Variants in CPAMD8 observed in about 807,000 individuals in gnomAD.
CPAMD8 encodes C3 and PZP like alpha-2-macroglobulin domain containing 8, also known as C3 and PZP-like alpha-2-macroglobulin domain-containing protein 8.
Under a neutral mutation model 224.7 loss-of-function variants are expected in CPAMD8, and 146 were observed. The ratio of observed to expected loss-of-function variants is 0.65; its 90% confidence interval spans 0.57 to 0.75. The LOEUF (loss-of-function observed/expected upper bound fraction) is 0.75. Ranked by LOEUF, CPAMD8 falls within the 30% of genes least tolerant of loss-of-function variation. The pLI is 0.00. For missense variants in CPAMD8, 2,301 were observed against 2,537.5 expected (o/e 0.91, Z 2.00); for synonymous variants, 966 against 1,044.6 (o/e 0.92, Z 1.45).
At chr19:16,958,762 C>T (rs2054554457) in intron 18 of CPAMD8, among the ~76,000 whole-genome samples, 1 of 152,022 alleles carries the variant, frequency 6.6e-6, no homozygotes, top group Non-Finnish European at 1.5e-5. Flanking sequence ...CCCCTTTTCT[C>T]CACTACCTCA....
chr19:17,020,485 A>G, intron 2 of CPAMD8, 132 bp from the exon 3 acceptor site: 1 of 691,110 alleles, frequency 1.4e-6, no homozygotes, highest in South Asian at 1.6e-5. Flanking sequence ...ACCCTGGGTC[A>G]TGCTGGCCTG....
At chr19:17,000,558 G>A in intron 9 of CPAMD8, 36 bp from the exon 10 acceptor site, 1 of 939,476 alleles carries the variant, frequency 1.1e-6, no homozygotes, top group Non-Finnish European at 1.8e-6. Context: ...CAATTTCACA[G>A]CCAAGATGGC....
At chr19:16,951,728 G>A (rs1361355202) in intron 20 of CPAMD8, among the ~76,000 whole-genome samples, 1 of 152,062 alleles carries the variant, frequency 6.6e-6, no homozygotes, top group South Asian at 2.1e-4. Flanking sequence ...GGCTTTGACG[G>A]TTGGTGAATC....
chr19:16,991,853 T>TA lies in CPAMD8; in HGVS notation c.1266+1562_1266+1563insT, dbSNP rs760523084. Among the ~76,000 whole-genome samples, 19 of 104,822 alleles carry TA rather than the reference T, an allele frequency of 1.8e-4. No individual in the cohort carries two copies. In the East Asian group the frequency reaches 5.0e-3, roughly 28 times the overall value. The allele number at this position is 104,822 out of a possible 152,430, so 68.8% of individuals were successfully genotyped here. On this transcript the variant is annotated intron_variant, in intron 12 of 41. Coordinates refer to ENST00000443236, the MANE Select transcript of CPAMD8 (RefSeq NM_015692.5). ...TTGGGCGACAGAGCAAGACTCTGTA[T>TA]CAAAAAAAAAAAACAACAGAACAGT... is the stretch of plus-strand genomic sequence containing the variant.
At chr19:16,942,282 T>C (rs2053923765) in intron 22 of CPAMD8, among the ~76,000 whole-genome samples, 2 of 152,030 alleles carry the variant, frequency 1.3e-5, no homozygotes, top group Admixed American at 6.6e-5. Flanking sequence ...GCCAACATGG[T>C]GAAACCCCGT....
intron 38 of CPAMD8, 39 bp from the exon 39 acceptor site, chr19:16,897,840 G>T: frequency 6.3e-7 from 1 of 1,575,456 alleles, no homozygotes; most frequent in Non-Finnish European, 8.6e-7. Flanking sequence ...GTGCAGGCGC[G>T]ACGGGTCAGG....
intron 11 of CPAMD8, 127 bp downstream of exon 11, chr19:16,996,984 C>T: frequency 1.5e-6 from 1 of 668,788 alleles, no homozygotes. Flanking sequence ...CAGCCCTCTC[C>T]ACTCTCCGCA....
At chr19:17,004,761 G>A (rs2056437911) in intron 7 of CPAMD8, among the ~76,000 whole-genome samples, 1 of 152,056 alleles carries the variant, frequency 6.6e-6, no homozygotes, top group Non-Finnish European at 1.5e-5. Flanking sequence ...TGACACCTGG[G>A]GCCACGTGGC....
chr19:17,018,618 A>T (rs2056871321), intron 3 of CPAMD8, among the ~76,000 whole-genome samples: 1 of 152,050 alleles, frequency 6.6e-6, no homozygotes, highest in South Asian at 2.1e-4. Context: ...TCATGCCTGT[A>T]ATCTCAGCAC....
intron 3 of CPAMD8, among the ~76,000 whole-genome samples, chr19:17,018,930 A>C (rs1193873462): frequency 6.6e-6 from 1 of 150,846 alleles, no homozygotes; most frequent in Non-Finnish European, 1.5e-5. Context: ...GAAAAAAAAA[A>C]CCACTGAAAC....
rs547875040 is a variant in CPAMD8 at position 16,950,453 on chromosome 19, G to A, written c.2508+1516C>T. ...GCTTGGATCTCACATCCTGCATGAC[G>A]GGATCTTCTGATACTGGCACAAGCC... is the stretch of plus-strand genomic sequence containing the variant. On this transcript the variant is annotated intron_variant, in intron 20 of 41. Transcript: ENST00000443236. Among the ~76,000 whole-genome samples the A allele has an allele frequency of 7.2e-5, 11 of 151,926 alleles. No individual in the cohort carries two copies. In the East Asian group the frequency reaches 1.6e-3, roughly 21 times the overall value.
chr19:16,928,798 T>C, intron 24 of CPAMD8, 144 bp downstream of exon 24: 1 of 616,852 alleles, frequency 1.6e-6, no homozygotes, highest in East Asian at 2.9e-5. Flanking sequence ...TAAGCGACTC[T>C]AGACTAAGAA....
intron 13 of CPAMD8, among the ~76,000 whole-genome samples, chr19:16,983,194 G>A (rs1482299296): frequency 6.6e-6 from 1 of 152,176 alleles, no homozygotes; most frequent in African/African-American, 2.4e-5. Flanking sequence ...CCTAAGGTCA[G>A]GAGTTCAACA....
intron 22 of CPAMD8, among the ~76,000 whole-genome samples, chr19:16,942,911 C>T (rs1218068808): frequency 6.6e-6 from 1 of 152,184 alleles, no homozygotes; most frequent in Non-Finnish European, 1.5e-5. Context: ...TGCTTCACTC[C>T]TTTCGGCCTC....
chr19:16,964,553 C>T (rs59750369), intron 18 of CPAMD8, among the ~76,000 whole-genome samples: 7,806 of 152,072 alleles, frequency 0.051, 418 homozygotes, highest in African/African-American at 0.14. Context: ...AATTAATAGC[C>T]TACCAACCAA....
intron 13 of CPAMD8, among the ~76,000 whole-genome samples, chr19:16,986,673 T>C (rs1393502231): frequency 6.6e-6 from 1 of 151,162 alleles, no homozygotes; most frequent in African/African-American, 2.4e-5. Context: ...GTGTGAGAGG[T>C]TTATGGGCTG....
chr19:16,922,306 G>A (rs1463420637), intron 26 of CPAMD8, among the ~76,000 whole-genome samples: 2 of 151,930 alleles, frequency 1.3e-5, no homozygotes, highest in Non-Finnish European at 2.9e-5. Context: ...CCCTGAAACT[G>A]CCCCACACCA....
intron 9 of CPAMD8, among the ~76,000 whole-genome samples, chr19:17,001,529 G>A (rs2056323792): frequency 6.6e-6 from 1 of 151,904 alleles, no homozygotes. Flanking sequence ...AACTTAGAGT[G>A]GAAGGGCAGG....
intron 9 of CPAMD8, among the ~76,000 whole-genome samples, chr19:17,001,320 GAAAA>G (rs1170361586): frequency 1.7e-3 from 73 of 42,464 alleles, no homozygotes; most frequent in Middle Eastern, 0.019. Flanking sequence ...GACTCCGTCT[GAAAA>G]AAAAAAAAAA....
Sources: gnomAD v4.1 joint callset for allele counts (sites outside exome capture counted in the v4.1 genomes callset) on GRCh38, gnomAD v4.1.1 for gene constraint, MANE v1.5 for transcripts, NCBI Gene and HGNC (gene_info 2026-07-23, HGNC 2026-07-21) for gene names.